TJP3: variants seen among roughly 807,000 people sequenced by gnomAD.
The protein encoded by TJP3 is tight junction protein 3.
TJP3 carries 85 observed loss-of-function variants against 104.2 expected under a neutral mutation model. That is an observed-to-expected ratio of 0.82 (90% CI 0.68 to 0.98). TJP3 has a LOEUF of 0.98. TJP3 is among the 50% of genes least tolerant of loss of function. The pLI, the probability that TJP3 is intolerant of heterozygous loss-of-function variation, is 0.00. For synonymous variants in TJP3, 550 were observed against 550.6 expected (o/e 1.00, Z 0.02); for missense variants, 1,367 against 1,322.8 (o/e 1.03, Z -0.52).
At chr19:3,749,977 T>C (rs562700337) in intron 19 of TJP3, among the ~76,000 whole-genome samples, 161 bp from the exon 20 acceptor site, 1 of 152,242 alleles carries the variant, frequency 6.6e-6, no homozygotes, top group South Asian at 2.1e-4. Flanking sequence ...AGCCTCAGTT[T>C]TCTCATTTAG....
chr19:3,723,666 G>A (rs1181001900), intron 1 of TJP3, among the ~76,000 whole-genome samples: 2 of 151,450 alleles, frequency 1.3e-5, no homozygotes, highest in African/African-American at 2.4e-5. Flanking sequence ...GTGGTTGGAC[G>A]CCTGTAATTC....
intron 1 of TJP3, among the ~76,000 whole-genome samples, chr19:3,714,909 T>C (rs960241104): frequency 3.9e-5 from 6 of 152,354 alleles, no homozygotes; most frequent in African/African-American, 1.2e-4. Flanking sequence ...ACACGTCATA[T>C]ACTTGGCTTG....
chr19:3,713,744 C>T (rs498855), intron 1 of TJP3, among the ~76,000 whole-genome samples: 103,526 of 151,802 alleles, frequency 0.68, 35,839 homozygotes, highest in East Asian at 1. Context: ...GACAGAGTCT[C>T]GCTCTGTCGC....
At position 3,730,365 on chromosome 19, in the gene TJP3, G is replaced by T; in HGVS notation, c.272G>T (p.Arg91Leu). Residue 91 changes from arginine to leucine, a missense_variant, in exon 5 of 21, where the codon CGT becomes CTT. Arg to Leu is a moderately radical substitution (Grantham distance 102). Coordinates refer to ENST00000541714, the MANE Select transcript of TJP3 (RefSeq NM_001267560.2). This position sits in a 1 kb window ranked among gnomAD's most constrained non-coding sequence, Gnocchi z 7.3. The part of the protein sequence containing the change: ...CTKMANITVK[R>L]PRRIHLPATK... ...CCCCTCCTCTAACAGACAGTGAAAC[G>T]TCCCCGGAGGATCCACCTGCCCGCC... is the stretch of plus-strand genomic sequence containing the variant. 1 of 1,530,680 alleles carries T rather than the reference G, an allele frequency of 6.5e-7. No homozygotes were observed. Among genetic ancestry groups the T allele is most frequent in the Admixed American group, 2.1e-5 (1 of 47,754 alleles). 94.8% of individuals were successfully genotyped at this position (1,530,680 alleles called of 1,614,324 possible).
chr19:3,731,670 AATG>A (rs2036673102), intron 5 of TJP3, among the ~76,000 whole-genome samples: 1 of 101,366 alleles, frequency 9.9e-6, no homozygotes, highest in Non-Finnish European at 2.4e-5. Flanking sequence ...AAATTGAAAC[AATG>A]ATGATGTTAT....
Position 3,738,555 on chromosome 19 carries a change from G to T in TJP3, c.1285G>T (p.Val429Leu). The stretch of plus-strand genomic sequence containing the variant: ...TATAGCTGCACTTGCTTTCTGGCAG[G>T]TGAATGACGTGCCATTCCAGAACCT... ...GIQEGDQILQVNDVPFQNLTR... is the reference protein window; with the variant it reads ...GIQEGDQILQLNDVPFQNLTR... Residue 429 changes from valine to leucine, a missense_variant and splice_region_variant, in exon 12 of 21, where the codon GTG becomes TTG. Val to Leu is a conservative substitution (Grantham distance 32). Coordinates refer to ENST00000541714, the MANE Select transcript of TJP3 (RefSeq NM_001267560.2). 1.9e-6 allele frequency: 3 copies of T among 1,612,782 alleles called. No homozygotes were observed. The highest frequency in any genetic ancestry group is 2.5e-6 in the Non-Finnish European group (3 of 1,179,224).
intron 6 of TJP3, 91 bp from the exon 7 acceptor site, chr19:3,733,661 GT>G (rs143901193): frequency 0.018 from 27,278 of 1,542,362 alleles, 277 homozygotes; most frequent in Non-Finnish European, 0.021. Context: ...TGGGGGAATT[GT>G]CTGTTTCAAG....
At chr19:3,736,073 C>CG in intron 10 of TJP3, 92 bp from the exon 11 acceptor site, 5 of 1,553,346 alleles carry the variant, frequency 3.2e-6, no homozygotes, top group South Asian at 2.4e-5. Flanking sequence ...AAACTGAGGC[C>CG]TGGAGGGGGT....
At chr19:3,741,550 C>T (rs971372197) in intron 14 of TJP3, among the ~76,000 whole-genome samples, 3 of 144,066 alleles carry the variant, frequency 2.1e-5, no homozygotes, top group African/African-American at 7.7e-5. Flanking sequence ...TCACTTGAAC[C>T]CGGGAGGCAG....
intron 1 of TJP3, among the ~76,000 whole-genome samples, chr19:3,724,658 TC>T (rs1170229390): frequency 1.3e-5 from 2 of 152,206 alleles, no homozygotes; most frequent in African/African-American, 2.4e-5. Context: ...TGCCTCAGCC[TC>T]TCGAGGAGCT....
At chr19:3,749,987 G>C (rs2036968385) in intron 19 of TJP3, 151 bp from the exon 20 acceptor site, 2 of 939,904 alleles carry the variant, frequency 2.1e-6, no homozygotes, top group South Asian at 1.5e-5. Flanking sequence ...TTCTCATTTA[G>C]ATTTGGGGAT....
At chr19:3,742,100 C>A (rs12463062) in intron 14 of TJP3, among the ~76,000 whole-genome samples, 4 of 151,862 alleles carry the variant, frequency 2.6e-5, no homozygotes, top group African/African-American at 9.7e-5. Context: ...GATAGCCTTA[C>A]AAAAGGAAAA....
At chr19:3,732,424 C>A (rs893340550) in intron 6 of TJP3, among the ~76,000 whole-genome samples, 1 of 152,124 alleles carries the variant, frequency 6.6e-6, no homozygotes, top group African/African-American at 2.4e-5. Context: ...GATTCTTCCC[C>A]TGAAAGTCTG....
intron 1 of TJP3, among the ~76,000 whole-genome samples, chr19:3,711,607 A>C (rs967800413): frequency 4.1e-5 from 6 of 147,686 alleles, no homozygotes; most frequent in African/African-American, 1.2e-4. Flanking sequence ...CAAATACAAA[A>C]TGAGGCCGGA....
chr19:3,744,110 G>C, intron 15 of TJP3, 76 bp downstream of exon 15: 1 of 1,372,148 alleles, frequency 7.3e-7, no homozygotes, highest in African/African-American at 1.4e-5. Flanking sequence ...GGTCGGGGGA[G>C]AGTTAGAATA....
rs897362295 is a variant in TJP3, at chr19:3,737,080, A to G, written c.1284+759A>G. Among the ~76,000 whole-genome samples the G allele has an allele frequency of 1.3e-5, 2 of 151,788 alleles. 1 individual carries two copies. The highest frequency in any genetic ancestry group is 4.8e-5 in the African/African-American group (2 of 41,290). ...TTTTTAGTAGAGACAGGGTTTCACC[A>G]TGTTGGCCAGGCTGGTCTTGAACTC... On this transcript the variant is annotated intron_variant, in intron 11 of 20. Transcript: ENST00000541714.
At chr19:3,717,945 A>G (rs901676239) in intron 1 of TJP3, among the ~76,000 whole-genome samples, 71 of 148,182 alleles carry the variant, frequency 4.8e-4, no homozygotes, top group East Asian at 2.2e-3. Context: ...GCCGGGCACG[A>G]TGGCTCACGC....
chr19:3,749,905 G>GA (rs1327210157), intron 19 of TJP3, among the ~76,000 whole-genome samples: 1 of 152,162 alleles, frequency 6.6e-6, no homozygotes, highest in Non-Finnish European at 1.5e-5. Context: ...GCACAGATGA[G>GA]AAACCCAATT....
At chr19:3,724,547 T>A (rs375022915) in intron 1 of TJP3, among the ~76,000 whole-genome samples, 32 of 151,434 alleles carry the variant, frequency 2.1e-4, no homozygotes, top group African/African-American at 7.3e-4. Context: ...CATTTAAAAA[T>A]TTTTTTTGAG....
Sources: allele counts gnomAD v4.1 joint callset (sites outside exome capture counted in the v4.1 genomes callset), GRCh38; gene constraint gnomAD v4.1.1; non-coding constraint Gnocchi (gnomAD v3.1); transcripts MANE v1.5; gene names NCBI Gene and HGNC (gene_info 2026-07-23, HGNC 2026-07-21).